SLC25A25: variants seen among roughly 807,000 people sequenced by gnomAD.
The protein encoded by SLC25A25 is solute carrier family 25 member 25.
Under a neutral mutation model 57.7 loss-of-function variants are expected in SLC25A25, and 32 were observed. The observed-to-expected ratio is 0.55, with a 90% CI of 0.42 to 0.74. The LOEUF (loss-of-function observed/expected upper bound fraction) is 0.74. SLC25A25 is among the 30% of genes least tolerant of loss of function. The pLI, the probability that SLC25A25 is intolerant of heterozygous loss-of-function variation, is 0.00. For synonymous variants in SLC25A25, 306 were observed against 291.2 expected, an observed-to-expected ratio of 1.05 and a Z score of -0.52; for missense variants, 556 against 701.3, an observed-to-expected ratio of 0.79 and a Z score of 2.34.
At chr9:128,082,983 T>G (rs1220853223) in intron 1 of SLC25A25, among the ~76,000 whole-genome samples, 2 of 151,898 alleles carry the variant, frequency 1.3e-5, no homozygotes, top group African/African-American at 4.8e-5. Flanking sequence ...AATCCCAGCA[T>G]TCTGGGAGGC....
At position 128,108,236 on chromosome 9, in the gene SLC25A25, A is replaced by C; in HGVS notation, c.*792A>C. 1 of 399,220 alleles carries C rather than the reference A, an allele frequency of 2.5e-6. No individual in the cohort carries two copies. The highest frequency in any genetic ancestry group is 3.6e-5 in the East Asian group (1 of 28,070). 24.7% of individuals were successfully genotyped at this position (399,220 alleles called of 1,614,324 possible). A position where few individuals can be genotyped will look rare whatever the true frequency, so the allele number is the denominator to read the frequency against. On this transcript the variant is annotated 3_prime_UTR_variant, in exon 11 of 11. Transcript: ENST00000373069. ...CACTGTGGCATGAGGGCAGTGGAGCACCATGTTTGAGGGCGAAGGGCAGAG... is the reference window on the plus strand; with the variant it reads ...CACTGTGGCATGAGGGCAGTGGAGCCCCATGTTTGAGGGCGAAGGGCAGAG...
chr9:128,091,941 G>A (rs756206289), intron 1 of SLC25A25: 1 of 1,613,848 alleles, frequency 6.2e-7, no homozygotes, highest in Non-Finnish European at 8.5e-7. Context: ...TCCAGAGAGG[G>A]GGACGATCGT....
In SLC25A25 at chr9:128,106,365, C is replaced by T. The variant is rs142204445; in HGVS notation, c.1057C>T (p.Arg353Trp). 1.2e-5 allele frequency: 19 copies of T among 1,613,540 alleles called. No individual in the cohort carries two copies. Among genetic ancestry groups the T allele is most frequent in the Non-Finnish European group, 1.4e-5 (17 of 1,179,790 alleles). The change falls in exon 9 of 11, where the codon CGG (arginine) becomes TGG (tryptophan). Residue 353 changes from arginine (R) to tryptophan (W), a missense_variant. By Grantham distance (101) the Arg-to-Trp change is moderately radical. Coordinates refer to ENST00000373069, the MANE Select transcript of SLC25A25 (RefSeq NM_001330988.2). ...TCCTGTTGTGCAGGTCCTGAAGACC[C>T]GGATGGCGCTGCGGAAGACAGGCCA... ...SIYPMEVLKT[R>W]MALRKTGQYS...
chr9:128,076,364 C>T (rs1220328299), intron 1 of SLC25A25, among the ~76,000 whole-genome samples: 1 of 152,138 alleles, frequency 6.6e-6, no homozygotes, highest in Non-Finnish European at 1.5e-5. Flanking sequence ...CTCCTGAACG[C>T]ATGTGATCCT....
chr9:128,100,823 C>T (rs766483430), intron 1 of SLC25A25: 109 of 448,460 alleles, frequency 2.4e-4, no homozygotes, highest in Non-Finnish European at 3.8e-4. Context: ...GTCCGGAGGG[C>T]TCTTCCCAGG....
chr9:128,102,165 T>G lies in SLC25A25; in HGVS notation c.512+50T>G. The G allele has an allele frequency of 6.5e-7, 1 of 1,547,218 alleles. No individual in the cohort carries two copies. Among genetic ancestry groups the G allele is most frequent in the Non-Finnish European group, 8.7e-7 (1 of 1,143,932 alleles). On this transcript the variant is annotated intron_variant, in intron 4 of 10. Coordinates refer to ENST00000373069, the MANE Select transcript of SLC25A25 (RefSeq NM_001330988.2). The surrounding 1 kb of genome is among the most constrained non-coding windows in gnomAD (Gnocchi z 4.1). Reference sequence around the variant, plus strand: ...TGCCTCCCTTGACTTCCATGCCTGATCAGAGCGGGATTCTTGTGGGCCATT... The same window carrying G: ...TGCCTCCCTTGACTTCCATGCCTGAGCAGAGCGGGATTCTTGTGGGCCATT...
At chr9:128,083,519 T>TC (rs1564181415) in intron 1 of SLC25A25, among the ~76,000 whole-genome samples, 1 of 143,858 alleles carries the variant, frequency 7.0e-6, no homozygotes, top group Admixed American at 6.9e-5. Flanking sequence ...TTTTCTTTTT[T>TC]TTTTTTTTGA....
intron 1 of SLC25A25, among the ~76,000 whole-genome samples, chr9:128,097,865 T>C (rs1282434155): frequency 6.6e-6 from 1 of 152,178 alleles, no homozygotes; most frequent in Non-Finnish European, 1.5e-5. Flanking sequence ...TTCAATGCAA[T>C]GTGGGCTGTG....
intron 1 of SLC25A25, among the ~76,000 whole-genome samples, chr9:128,092,307 T>C (rs974694411): frequency 3.3e-5 from 5 of 152,182 alleles, no homozygotes; most frequent in Non-Finnish European, 5.9e-5. Context: ...CCAGTGTGGC[T>C]GTTGAGGGAA....
intron 1 of SLC25A25, among the ~76,000 whole-genome samples, chr9:128,078,964 C>T (rs1396921914): frequency 1.3e-5 from 2 of 151,988 alleles, no homozygotes; most frequent in Non-Finnish European, 2.9e-5. Context: ...ATTTTAAGGC[C>T]CTGGTGGTGC....
At chr9:128,085,578 A>AT (rs1261309918) in intron 1 of SLC25A25, among the ~76,000 whole-genome samples, 2 of 152,164 alleles carry the variant, frequency 1.3e-5, no homozygotes, top group African/African-American at 4.8e-5. Context: ...TAAATAAGGC[A>AT]TGATCGCTAA....
rs1164243811 is a variant in SLC25A25 at position 128,107,925 on chromosome 9, A to G, written c.*481A>G. The G allele has an allele frequency of 1.0e-5, 4 of 399,232 alleles. No individual in the cohort carries two copies. The highest frequency in any genetic ancestry group is 3.6e-5 in the East Asian group (1 of 28,088). 24.7% of individuals were successfully genotyped at this position (399,232 alleles called of 1,614,324 possible). On this transcript the variant is annotated 3_prime_UTR_variant, in exon 11 of 11. Coordinates refer to ENST00000373069, the MANE Select transcript of SLC25A25 (RefSeq NM_001330988.2). ...ACATCCCACCCCCTCGTCCAATCCC[A>G]TAATCCATGATGAAAGGTGAGGTCA...
chr9:128,083,177 G>A (rs1431117801), intron 1 of SLC25A25, among the ~76,000 whole-genome samples: 13 of 150,692 alleles, frequency 8.6e-5, no homozygotes, highest in Non-Finnish European at 1.6e-4. Flanking sequence ...GCCGTGAGCC[G>A]AGATAGTACC....
rs542083629 is a variant in SLC25A25, at chr9:128,103,333, C to T, written c.625-348C>T. ...GACGGCTCTCACCCCGGCCTGATCC[C>T]TTCAGCGCAGCCAGCCTGGCAATCT... On this transcript the variant is annotated intron_variant, in intron 5 of 10. Transcript: ENST00000373069. The surrounding 1 kb of genome is among the most constrained non-coding windows in gnomAD (Gnocchi z 6.7). Among the ~76,000 whole-genome samples, 1 of 152,366 alleles carries T rather than the reference C, an allele frequency of 6.6e-6. No homozygotes were observed. The highest frequency in any genetic ancestry group is 1.5e-5 in the Non-Finnish European group (1 of 68,032).
rs1268970525 is a variant in SLC25A25 at position 128,095,823 on chromosome 9, A to T, written c.262-5273A>T. 6.6e-6 allele frequency among the ~76,000 whole-genome samples: 1 copy of T among 152,156 alleles called. No individual in the cohort carries two copies. The highest frequency in any genetic ancestry group is 1.5e-5 in the Non-Finnish European group (1 of 68,030). On this transcript the variant is annotated intron_variant, in intron 1 of 10. Coordinates refer to ENST00000373069, the MANE Select transcript of SLC25A25 (RefSeq NM_001330988.2). The surrounding 1 kb of genome is among the most constrained non-coding windows in gnomAD (Gnocchi z 4.4). ...AGACTCCATCTTAGGAAAGACAAAG[A>T]AAAAAGAAGAAGAATACAGGTTTCA... is the stretch of plus-strand genomic sequence containing the variant.
intron 1 of SLC25A25, among the ~76,000 whole-genome samples, chr9:128,080,437 G>C (rs1833129808): frequency 6.7e-6 from 1 of 148,982 alleles, no homozygotes; most frequent in Non-Finnish European, 1.5e-5. Context: ...TGGTCCTGTT[G>C]GTTAAAACCA....
chr9:128,101,535 G>A lies in SLC25A25; in HGVS notation c.476+139G>A. On this transcript the variant is annotated intron_variant, in intron 3 of 10. Coordinates refer to ENST00000373069, the MANE Select transcript of SLC25A25 (RefSeq NM_001330988.2). This position sits in a 1 kb window ranked among gnomAD's most constrained non-coding sequence, Gnocchi z 4.9. ...TTGAAAGGATGAATAAGTAACCCCT[G>A]TGGGAGGCCAGCCCCTCCCCAGGGT... The A allele has an allele frequency of 2.2e-6, 2 of 891,022 alleles. No homozygotes were observed. The highest frequency in any genetic ancestry group is 3.4e-6 in the Non-Finnish European group (2 of 586,104). 55.2% of individuals were successfully genotyped at this position (891,022 alleles called of 1,614,324 possible).
At chr9:128,083,513 C>CTTTTTTTTTTTTTT (rs1315501906) in intron 1 of SLC25A25, among the ~76,000 whole-genome samples, 3 of 117,454 alleles carry the variant, frequency 2.6e-5, no homozygotes, top group Non-Finnish European at 4.9e-5. Context: ...TTTCTTTTTT[C>CTTTTTTTTTTTTTT]TTTTTTTTTT....
chr9:128,105,352 G>A (rs2130826002), intron 6 of SLC25A25, among the ~76,000 whole-genome samples: 1 of 151,802 alleles, frequency 6.6e-6, no homozygotes, highest in South Asian at 2.1e-4. Flanking sequence ...TGTATTTTTA[G>A]TAGAGACGGG....
Sources: gnomAD v4.1 joint callset for allele counts (sites outside exome capture counted in the v4.1 genomes callset) on GRCh38, gnomAD v4.1.1 for gene constraint, Gnocchi (gnomAD v3.1) non-coding constraint, MANE v1.5 for transcripts, NCBI Gene and HGNC (gene_info 2026-07-23, HGNC 2026-07-21) for gene names.